The following ARHGEF37 variants were observed in gnomAD, a reference collection of about 807,000 sequenced individuals.
ARHGEF37 encodes Rho guanine nucleotide exchange factor 37.
A neutral mutation model predicts 71.1 loss-of-function variants in ARHGEF37; 55 were observed. The ratio of observed to expected loss-of-function variants is 0.77; its 90% CI spans 0.62 to 0.97. The LOEUF (loss-of-function observed/expected upper bound fraction) is 0.97, where lower values mean the gene tolerates loss of function less well. Among genes scored for constraint, ARHGEF37 ranks in the 50% least tolerant of loss-of-function variants. The pLI is 0.00. For missense variants in ARHGEF37, 765 were observed against 836.8 expected, an observed-to-expected ratio of 0.91 and a Z score of 1.06; for synonymous variants, 327 against 350.6, an observed-to-expected ratio of 0.93 and a Z score of 0.75.
upstream of ARHGEF37, among the ~76,000 whole-genome samples, chr5:149,576,906 A>C (rs992815841): frequency 2.6e-5 from 4 of 152,114 alleles, no homozygotes; most frequent in Non-Finnish European, 5.9e-5. Flanking sequence ...CAGTGAGCCG[A>C]GATCGTGCCA....
chr5:149,631,908 A>G, intron 12 of ARHGEF37, 74 bp from the exon 13 acceptor site: 1 of 1,504,762 alleles, frequency 6.6e-7, no homozygotes, highest in Non-Finnish European at 9.1e-7. Context: ...GGAACAGGAT[A>G]AACAGCCTCT....
At chr5:149,626,409 T>G (rs1310379057) in intron 10 of ARHGEF37, among the ~76,000 whole-genome samples, 1 of 152,186 alleles carries the variant, frequency 6.6e-6, no homozygotes, top group Non-Finnish European at 1.5e-5. Flanking sequence ...AGCAGTATCA[T>G]GCAATGGAAA....
At chr5:149,613,675 A>T (rs1267237351) in intron 4 of ARHGEF37, among the ~76,000 whole-genome samples, 1 of 151,824 alleles carries the variant, frequency 6.6e-6, no homozygotes, top group African/African-American at 2.4e-5. Flanking sequence ...GCTTCTATAC[A>T]TGCTGTTCTA....
intron 1 of ARHGEF37, among the ~76,000 whole-genome samples, chr5:149,561,440 T>C (rs943103604): frequency 1.3e-5 from 2 of 152,212 alleles, no homozygotes; most frequent in Admixed American, 6.5e-5. Flanking sequence ...CTTTTACTCT[T>C]CAACGTAGTC....
At chr5:149,565,292 CGA>C (rs1762884950) in intron 1 of ARHGEF37, among the ~76,000 whole-genome samples, 1 of 152,130 alleles carries the variant, frequency 6.6e-6, no homozygotes, top group Non-Finnish European at 1.5e-5. Flanking sequence ...CCCAGTGGAC[CGA>C]TGAGCCATGA....
At chr5:149,615,586 C>T (rs1201350863) in intron 4 of ARHGEF37, among the ~76,000 whole-genome samples, 5 of 151,902 alleles carry the variant, frequency 3.3e-5, no homozygotes, top group Admixed American at 2.6e-4. Context: ...ATTAAGTTCC[C>T]GTGATTTTAA....
intron 1 of ARHGEF37, among the ~76,000 whole-genome samples, chr5:149,594,939 G>T (rs1011395119): frequency 5.3e-5 from 8 of 152,250 alleles, no homozygotes; most frequent in African/African-American, 1.9e-4. Flanking sequence ...AATCTCCAGG[G>T]AATTATGCTG....
intron 3 of ARHGEF37, among the ~76,000 whole-genome samples, chr5:149,602,096 G>A (rs1234260493): frequency 3.4e-5 from 5 of 148,118 alleles, no homozygotes; most frequent in East Asian, 2.0e-4. Flanking sequence ...TCACTCTGTC[G>A]CCCAGGCTCG....
intron 1 of ARHGEF37, among the ~76,000 whole-genome samples, chr5:149,591,667 A>G (rs1763411308): frequency 6.6e-6 from 1 of 152,232 alleles, no homozygotes. Context: ...TGACTGTAAG[A>G]TGGTGCAAAA....
At chr5:149,576,933 G>A (rs1290305042), upstream of ARHGEF37, among the ~76,000 whole-genome samples, 1 of 145,702 alleles carries the variant, frequency 6.9e-6, no homozygotes, top group Non-Finnish European at 1.5e-5. Context: ...TCCAGACTGG[G>A]CAACAGAGTG....
chr5:149,563,013 C>T (rs546163611), intron 1 of ARHGEF37, among the ~76,000 whole-genome samples: 2 of 152,226 alleles, frequency 1.3e-5, no homozygotes, highest in South Asian at 4.1e-4. Flanking sequence ...GTCTGACTTC[C>T]AGTTGTGCCT....
intron 1 of ARHGEF37, among the ~76,000 whole-genome samples, chr5:149,575,743 G>A (rs1463429467): frequency 2.2e-5 from 3 of 137,872 alleles, no homozygotes; most frequent in South Asian, 4.7e-4. Flanking sequence ...GTGCAGTGAC[G>A]CAATCTCAGC....
chr5:149,625,534 C>T (rs1752660255), intron 10 of ARHGEF37, among the ~76,000 whole-genome samples: 1 of 152,242 alleles, frequency 6.6e-6, no homozygotes, highest in South Asian at 2.1e-4. Context: ...GTGCCGCGAA[C>T]ATGGGAGACC....
intron 11 of ARHGEF37, among the ~76,000 whole-genome samples, chr5:149,628,144 A>G (rs143730994): frequency 6.3e-4 from 96 of 152,338 alleles, no homozygotes; most frequent in African/African-American, 2.1e-3. Flanking sequence ...CCCGAGGCCA[A>G]GAGGACTGGA....
intron 1 of ARHGEF37, among the ~76,000 whole-genome samples, chr5:149,590,114 A>C (rs1308563551): frequency 6.6e-6 from 1 of 152,204 alleles, no homozygotes. Flanking sequence ...AATGCTTGGC[A>C]TGTAGTAGTT....
At chr5:149,610,858 T>A (rs1764057568) in intron 4 of ARHGEF37, among the ~76,000 whole-genome samples, 1 of 152,376 alleles carries the variant, frequency 6.6e-6, no homozygotes, top group Non-Finnish European at 1.5e-5. Flanking sequence ...TTTTGCTAGA[T>A]AACAAATCAC....
At chr5:149,617,727 A>G (rs1030161515) in intron 5 of ARHGEF37, among the ~76,000 whole-genome samples, 3 of 152,076 alleles carry the variant, frequency 2.0e-5, no homozygotes, top group African/African-American at 7.2e-5. Context: ...TTTCCTCCCC[A>G]CCTGCTTCTC....
At chr5:149,610,169 T>G (rs2113344275) in intron 4 of ARHGEF37, among the ~76,000 whole-genome samples, 1 of 152,300 alleles carries the variant, frequency 6.6e-6, no homozygotes, top group Non-Finnish European at 1.5e-5. Context: ...TGTCCAGGGT[T>G]GGAGAAGCGG....
chr5:149,630,964 T>TA (rs938918480), intron 12 of ARHGEF37, among the ~76,000 whole-genome samples: 2 of 152,320 alleles, frequency 1.3e-5, no homozygotes, highest in African/African-American at 4.8e-5. Context: ...TGTAAAACCC[T>TA]ACACATGTAT....
Sources: allele counts gnomAD v4.1 joint callset (sites outside exome capture counted in the v4.1 genomes callset), GRCh38; gene constraint gnomAD v4.1.1; transcripts MANE v1.5; gene names NCBI Gene and HGNC (gene_info 2026-07-23, HGNC 2026-07-21).